ABCB5: variants seen among roughly 807,000 people sequenced by gnomAD.
ABCB5 encodes ATP binding cassette subfamily B member 5.
In ABCB5, 155 loss-of-function variants were observed where a neutral mutation model predicts 144.2. The ratio of observed to expected loss-of-function variants is 1.08; its 90% confidence interval spans 0.94 to 1.23. ABCB5 has a LOEUF of 1.23. Ranked by LOEUF, ABCB5 falls within the 50% of genes most tolerant of loss-of-function variation. The pLI, the probability that ABCB5 is intolerant of heterozygous loss-of-function variation, is 0.00. For synonymous variants in ABCB5, 610 were observed against 528.6 expected (o/e 1.15, Z -2.11); for missense variants, 1,830 against 1,520.8 (o/e 1.20, Z -3.38).
intron 7 of ABCB5, among the ~76,000 whole-genome samples, chr7:20,643,917 A>T (rs1439563346): frequency 6.6e-6 from 1 of 152,222 alleles, no homozygotes; most frequent in Non-Finnish European, 1.5e-5. Context: ...ATAAAGTATG[A>T]TGTCCTTATA....
At chr7:20,720,492 C>T (rs1461727236) in intron 20 of ABCB5, among the ~76,000 whole-genome samples, 1 of 152,058 alleles carries the variant, frequency 6.6e-6, no homozygotes, top group Non-Finnish European at 1.5e-5. Context: ...AAACTGCGTG[C>T]CACTTGATAG....
At chr7:20,706,130 C>T (rs1011030655) in intron 20 of ABCB5, among the ~76,000 whole-genome samples, 2 of 152,060 alleles carry the variant, frequency 1.3e-5, no homozygotes, top group African/African-American at 2.4e-5. Context: ...ACTTAATAAT[C>T]AAATAATGGG....
chr7:20,652,288 C>T (rs1335539760), intron 13 of ABCB5, among the ~76,000 whole-genome samples: 1 of 152,136 alleles, frequency 6.6e-6, no homozygotes, highest in African/African-American at 2.4e-5. Flanking sequence ...TGAAATCAGG[C>T]CGGGTGCGGT....
chr7:20,669,315 A>G (rs1228481423), intron 14 of ABCB5, among the ~76,000 whole-genome samples: 1 of 146,918 alleles, frequency 6.8e-6, no homozygotes, highest in Non-Finnish European at 1.5e-5. Flanking sequence ...AAATTGAGAA[A>G]TCGGATGGTT....
chr7:20,685,939 A>G, intron 16 of ABCB5, 103 bp downstream of exon 16: 2 of 1,198,518 alleles, frequency 1.7e-6, no homozygotes, highest in South Asian at 2.0e-5. Flanking sequence ...TACTTACTGT[A>G]GCACTAAGCT....
At position 20,646,022 on chromosome 7, in the gene ABCB5, G is replaced by T. The variant is rs373260063; in HGVS notation, c.865G>T (p.Val289Leu). 1.9e-6 allele frequency: 3 copies of T among 1,613,770 alleles called. No homozygotes were observed. The African/African-American group carries it at 4.0e-5, about 22-fold the overall frequency. ...CATAAAAAGGACTATAGCTTCAAAA[G>T]TGTCTCTTGGTGCTGTGTACTTCTT... Reference protein sequence around the residue: ...FGIKRTIASKVSLGAVYFFMN... With the variant: ...FGIKRTIASKLSLGAVYFFMN... The change falls in exon 9 of 28, where the codon GTG becomes TTG. Residue 289 changes from valine (V) to leucine (L), a missense_variant. By Grantham distance (32) the Val-to-Leu change is conservative (BLOSUM62 1). Coordinates refer to ENST00000404938, the MANE Select transcript of ABCB5 (RefSeq NM_001163941.2).
At chr7:20,628,050 T>C (rs1393638832) in intron 3 of ABCB5, among the ~76,000 whole-genome samples, 2 of 152,128 alleles carry the variant, frequency 1.3e-5, no homozygotes, top group African/African-American at 2.4e-5. Context: ...GGGTACATGT[T>C]CACAACGTGC....
chr7:20,698,546 T>C lies in ABCB5; in HGVS notation c.2150T>C (p.Ile717Thr). The change falls in exon 17 of 28, where the codon ATA becomes ACA. Residue 717 changes from isoleucine to threonine, a missense_variant. Ile to Thr is a moderately conservative substitution (Grantham distance 89). Transcript: ENST00000404938. Reference sequence around the variant, plus strand: ...TTTTCCATCATCTTTGCAAAAATTATAACCGTAAGTAAAATAAATTTGCTA... The same window carrying C: ...TTTTCCATCATCTTTGCAAAAATTACAACCGTAAGTAAAATAAATTTGCTA... ...PVFSIIFAKIITMFGNNDKTT... is the reference protein window; with the variant it reads ...PVFSIIFAKITTMFGNNDKTT... 1.3e-6 allele frequency: 2 copies of C among 1,587,322 alleles called. No individual in the cohort carries two copies. The highest frequency in any genetic ancestry group is 1.7e-6 in the Non-Finnish European group (2 of 1,172,440).
intron 14 of ABCB5, among the ~76,000 whole-genome samples, chr7:20,664,627 C>T (rs916740): frequency 0.22 from 33,462 of 151,870 alleles, 4,062 homozygotes; most frequent in African/African-American, 0.33. Flanking sequence ...GTATTATTTA[C>T]CAAGAATAAA....
intron 16 of ABCB5, among the ~76,000 whole-genome samples, chr7:20,689,259 G>A (rs959130705): frequency 7.2e-5 from 11 of 152,182 alleles, no homozygotes; most frequent in Non-Finnish European, 1.6e-4. Flanking sequence ...CCAGCAAGGC[G>A]GAGAGGCAGG....
At chr7:20,697,139 C>G (rs1786446574) in intron 16 of ABCB5, among the ~76,000 whole-genome samples, 1 of 152,140 alleles carries the variant, frequency 6.6e-6, no homozygotes. Flanking sequence ...TGATGATGAG[C>G]TTTAGAAAAC....
chr7:20,670,438 C>T (rs1001923457), intron 14 of ABCB5, among the ~76,000 whole-genome samples: 2 of 151,614 alleles, frequency 1.3e-5, no homozygotes, highest in Non-Finnish European at 1.5e-5. Flanking sequence ...CACATGTCAC[C>T]GATGAGCCCC....
At chr7:20,689,811 T>G (rs1291163285) in intron 16 of ABCB5, among the ~76,000 whole-genome samples, 2 of 152,136 alleles carry the variant, frequency 1.3e-5, no homozygotes, top group African/African-American at 4.8e-5. Flanking sequence ...GGAGAAATAT[T>G]TATTAGGCAA....
At chr7:20,637,736 A>G (rs997180856) in intron 5 of ABCB5, among the ~76,000 whole-genome samples, 3 of 152,010 alleles carry the variant, frequency 2.0e-5, no homozygotes, top group African/African-American at 7.2e-5. Flanking sequence ...ACTTAATTCT[A>G]TGTGAACTTC....
intron 7 of ABCB5, among the ~76,000 whole-genome samples, chr7:20,644,241 G>A (rs1292893676): frequency 1.3e-5 from 2 of 151,958 alleles, no homozygotes; most frequent in African/African-American, 2.4e-5. Context: ...ACCACGCCCA[G>A]CTAACTTTTG....
intron 14 of ABCB5, among the ~76,000 whole-genome samples, chr7:20,680,130 T>C (rs1477917609): frequency 1.3e-5 from 2 of 152,108 alleles, no homozygotes; most frequent in Non-Finnish European, 2.9e-5. Context: ...CTCAAAAACA[T>C]AATGTTGAGT....
intron 4 of ABCB5, among the ~76,000 whole-genome samples, chr7:20,629,810 C>T (rs778595018): frequency 6.6e-6 from 1 of 151,976 alleles, no homozygotes; most frequent in Non-Finnish European, 1.5e-5. Context: ...AAGAAATAAT[C>T]AAGTATGATC....
intron 20 of ABCB5, among the ~76,000 whole-genome samples, chr7:20,722,577 G>A (rs1303675378): frequency 6.6e-6 from 1 of 152,064 alleles, no homozygotes; most frequent in Admixed American, 6.5e-5. Context: ...CCTTAGTTTA[G>A]GGCATTTTGA....
At chr7:20,681,164 T>C (rs939753156) in intron 14 of ABCB5, among the ~76,000 whole-genome samples, 2 of 150,768 alleles carry the variant, frequency 1.3e-5, no homozygotes, top group African/African-American at 4.9e-5. Context: ...GAGTTTCCTG[T>C]TGCCCAGGCT....
Sources: allele counts gnomAD v4.1 joint callset (sites outside exome capture counted in the v4.1 genomes callset), GRCh38; gene constraint gnomAD v4.1.1; transcripts MANE v1.5; gene names NCBI Gene and HGNC (gene_info 2026-07-23, HGNC 2026-07-21).